MYO6: variants seen among roughly 807,000 people sequenced by gnomAD.
MYO6 encodes myosin VI.
MYO6 carries 74 observed loss-of-function variants against 178.7 expected under a neutral mutation model. That is an observed-to-expected ratio of 0.41 (90% CI 0.34 to 0.50). MYO6 has a LOEUF of 0.50. Ranked by LOEUF, MYO6 falls within the 20% of genes least tolerant of loss-of-function variation. The pLI is 0.09. For synonymous variants in MYO6, 477 were observed against 504.6 expected, an observed-to-expected ratio of 0.95 and a Z score of 0.73; for missense variants, 1,330 against 1,547.4, an observed-to-expected ratio of 0.86 and a Z score of 2.36.
At chr6:75,865,004 G>A (rs1396445458) in intron 16 of MYO6, among the ~76,000 whole-genome samples, 1 of 152,100 alleles carries the variant, frequency 6.6e-6, no homozygotes, top group East Asian at 1.9e-4. Flanking sequence ...ACTCTGACTT[G>A]TCCTGGTGTA....
rs759139184 is a variant in MYO6 at position 75,855,139 on chromosome 6, G to A, written c.1079G>A (p.Gly360Asp). 1.9e-6 allele frequency: 3 copies of A among 1,601,924 alleles called. No homozygotes were observed. Among genetic ancestry groups the A allele is most frequent in the Non-Finnish European group, 2.6e-6 (3 of 1,170,202 alleles). ...IDFEEAGSTS[G>D]GCNLKNKSAQ... is the part of the protein sequence containing the mutation. ...TTCAATGAAAATATATTTCTATTAG[G>A]TGGTTGTAATCTGAAGAATAAATCT... The change falls in exon 12 of 35, where the codon GGT becomes GAT. Residue 360 changes from glycine (G) to aspartate (D), a missense_variant and splice_region_variant. Physicochemically the swap from Gly to Asp is moderately conservative, Grantham distance 94 (BLOSUM62 -1). Transcript: ENST00000369977.
At chr6:75,780,677 T>A (rs2150050558) in intron 1 of MYO6, among the ~76,000 whole-genome samples, 1 of 152,296 alleles carries the variant, frequency 6.6e-6, no homozygotes, top group East Asian at 1.9e-4. Context: ...AGAGGGCATT[T>A]ACTACTCATC....
chr6:75,827,674 A>T (rs1772625615), intron 3 of MYO6, among the ~76,000 whole-genome samples: 1 of 152,130 alleles, frequency 6.6e-6, no homozygotes, highest in South Asian at 2.1e-4. Flanking sequence ...GAAAGAAAGG[A>T]GATAGGTTGA....
intron 1 of MYO6, among the ~76,000 whole-genome samples, chr6:75,787,716 CTCTCTCTCTCTCTCTATATATATA>C (rs1280686456): frequency 1.9e-4 from 10 of 51,668 alleles, no homozygotes; most frequent in South Asian, 1.3e-3. Context: ...CTCTCTCTCT[CTCTCTCTCTCTCTCTATATATATA>C]TATATATATA....
intron 29 of MYO6, among the ~76,000 whole-genome samples, chr6:75,896,023 G>T (rs1460093044): frequency 1.3e-5 from 2 of 151,834 alleles, no homozygotes; most frequent in Non-Finnish European, 2.9e-5. Flanking sequence ...TACCCACAAA[G>T]AATCCAGGTA....
At chr6:75,790,513 C>T (rs534213988) in intron 1 of MYO6, among the ~76,000 whole-genome samples, 8 of 151,950 alleles carry the variant, frequency 5.3e-5, no homozygotes, top group Non-Finnish European at 1.0e-4. Flanking sequence ...TCCTGAGTAG[C>T]TAGGATTACA....
At chr6:75,792,568 A>C (rs1317149452) in intron 1 of MYO6, among the ~76,000 whole-genome samples, 1 of 152,150 alleles carries the variant, frequency 6.6e-6, no homozygotes, top group Non-Finnish European at 1.5e-5. Flanking sequence ...ATCGAGCTGT[A>C]GAACTCTTCA....
chr6:75,798,760 G>A (rs1769118250), intron 1 of MYO6, among the ~76,000 whole-genome samples: 1 of 152,166 alleles, frequency 6.6e-6, no homozygotes, highest in South Asian at 2.1e-4. Flanking sequence ...CCTAGCCAGA[G>A]CAGTCAGGCA....
At chr6:75,793,594 T>G (rs977536222) in intron 1 of MYO6, among the ~76,000 whole-genome samples, 7 of 151,334 alleles carry the variant, frequency 4.6e-5, no homozygotes, top group Non-Finnish European at 1.0e-4. Flanking sequence ...ACAGACACTT[T>G]CTCAAAAAAA....
chr6:75,849,603 GA>G (rs557591742), intron 11 of MYO6, among the ~76,000 whole-genome samples: 1 of 151,678 alleles, frequency 6.6e-6, no homozygotes, highest in Non-Finnish European at 1.5e-5. Flanking sequence ...GGGACCAAGA[GA>G]AAAAAAAGCC....
chr6:75,783,788 A>T (rs1767236744), intron 1 of MYO6, among the ~76,000 whole-genome samples: 1 of 152,112 alleles, frequency 6.6e-6, no homozygotes, highest in African/African-American at 2.4e-5. Flanking sequence ...AGACCACAAC[A>T]TAATTACATG....
At chr6:75,781,872 C>T (rs1004789012) in intron 1 of MYO6, among the ~76,000 whole-genome samples, 16 of 136,658 alleles carry the variant, frequency 1.2e-4, no homozygotes, top group African/African-American at 4.7e-4. Context: ...GAGCCGAGAT[C>T]GCGCCACTGT....
intron 3 of MYO6, 47 bp from the exon 4 acceptor site, chr6:75,828,493 A>G (rs1333291729): frequency 1.8e-6 from 2 of 1,124,224 alleles, no homozygotes. Flanking sequence ...GCTTTATTTT[A>G]TTTGTTTTCT....
chr6:75,817,499 AG>A lies in MYO6; in HGVS notation c.-47del. On this transcript the variant is annotated splice_acceptor_variant, in intron 1 of 34. Coordinates refer to ENST00000369977, the MANE Select transcript of MYO6 (RefSeq NM_004999.4). LOFTEE classifies it low-confidence loss of function (5UTR_SPLICE). ...GTTGCTGTATTTGTTCCTTTGAAAC[AG>A]GTGACAGTGGATAGTGGAAACAGGA... 7.3e-7 allele frequency: 1 copy of A among 1,372,138 alleles called. No individual in the cohort carries two copies. The highest frequency in any genetic ancestry group is 1.0e-6 in the Non-Finnish European group (1 of 959,250). The allele number at this position is 1,372,138 out of a possible 1,614,324, so 85.0% of individuals were successfully genotyped here.
chr6:75,794,000 G>A (rs1768521002), intron 1 of MYO6, among the ~76,000 whole-genome samples: 2 of 152,108 alleles, frequency 1.3e-5, no homozygotes, highest in African/African-American at 2.4e-5. Flanking sequence ...AAAGAAAAAA[G>A]CAATAGAAGG....
At chr6:75,877,425 C>T (rs1413323046) in intron 20 of MYO6, among the ~76,000 whole-genome samples, 1 of 152,012 alleles carries the variant, frequency 6.6e-6, no homozygotes, top group African/African-American at 2.4e-5. Flanking sequence ...CACCACCACA[C>T]CCGGCTAATT....
At chr6:75,832,805 T>A (rs933144845) in intron 5 of MYO6, 37 bp from the exon 6 acceptor site, 2 of 1,227,240 alleles carry the variant, frequency 1.6e-6, no homozygotes, top group Non-Finnish European at 2.4e-6. Flanking sequence ...TTATATTTAA[T>A]ATATTGCTCA....
chr6:75,756,544 G>A (rs1481118233), intron 1 of MYO6, among the ~76,000 whole-genome samples: 2 of 152,090 alleles, frequency 1.3e-5, no homozygotes, highest in South Asian at 2.1e-4. Context: ...TGTTGGCCAG[G>A]CTGGTCTCGA....
chr6:75,919,528 G>T lies in MYO6; in HGVS notation c.*4516G>T, dbSNP rs1222132419. ...ATACAAATAAATAAATGCTCCCTGT[G>T]TAGAATTTCCACTTGCATCTTGTGC... On this transcript the variant is annotated 3_prime_UTR_variant, in exon 35 of 35. Coordinates refer to ENST00000369977, the MANE Select transcript of MYO6 (RefSeq NM_004999.4). 6.6e-6 allele frequency: 1 copy of T among 152,626 alleles called. No homozygotes were observed. Among genetic ancestry groups the T allele is most frequent in the African/African-American group, 2.4e-5 (1 of 41,440 alleles). The allele number at this position is 152,626 out of a possible 1,614,324, so 9.5% of individuals were successfully genotyped here. A position where few individuals can be genotyped will look rare whatever the true frequency, so the allele number is the denominator to read the frequency against.
Sources: allele counts gnomAD v4.1 joint callset (sites outside exome capture counted in the v4.1 genomes callset), GRCh38; gene constraint gnomAD v4.1.1; transcripts MANE v1.5; gene names NCBI Gene and HGNC (gene_info 2026-07-23, HGNC 2026-07-21).